ADGRD1: variants seen among roughly 807,000 people sequenced by gnomAD.
The protein encoded by ADGRD1 is adhesion G protein-coupled receptor D1.
ADGRD1 carries 77 observed loss-of-function variants against 113.4 expected under a neutral mutation model. That is an observed-to-expected ratio of 0.68 (90% CI 0.57 to 0.82). ADGRD1 has a LOEUF of 0.82. Among genes scored for constraint, ADGRD1 ranks in the 40% least tolerant of loss-of-function variants. The pLI is 0.00. For synonymous variants in ADGRD1, 474 were observed against 475.0 expected, an observed-to-expected ratio of 1.00 and a Z score of 0.03; for missense variants, 1,036 against 1,139.1, an observed-to-expected ratio of 0.91 and a Z score of 1.30.
In ADGRD1 at chr12:131,131,883, C is replaced by G. The variant is rs1300665671; in HGVS notation, c.2267+67C>G. 3 of 1,037,510 alleles carry G rather than the reference C, an allele frequency of 2.9e-6. No homozygotes were observed. The African/African-American group carries it at 4.7e-5, about 16-fold the overall frequency. 64.3% of individuals were successfully genotyped at this position (1,037,510 alleles called of 1,614,324 possible). ...GCCCCCAGAGGATGCTTTGAGGTCACAGGAGAGATAGCCACTCCTGCCTCC... is the reference window on the plus strand; with the variant it reads ...GCCCCCAGAGGATGCTTTGAGGTCAGAGGAGAGATAGCCACTCCTGCCTCC... On this transcript the variant is annotated intron_variant, in intron 21 of 24. Coordinates refer to ENST00000261654, the MANE Select transcript of ADGRD1 (RefSeq NM_198827.5).
intron 13 of ADGRD1, among the ~76,000 whole-genome samples, chr12:131,043,946 G>A (rs55756434): frequency 0.11 from 16,503 of 152,194 alleles, 1,224 homozygotes; most frequent in Non-Finnish European, 0.16. Context: ...TTATTCTGAG[G>A]AGCAGAGTTG....
Position 131,063,068 on chromosome 12 carries a change from C to G in ADGRD1, c.1474-13733C>G, listed in dbSNP as rs138984110. Among the ~76,000 whole-genome samples, 545 of 152,162 alleles carry G rather than the reference C, an allele frequency of 3.6e-3. 7 individuals are homozygous for G. Among genetic ancestry groups the G allele is most frequent in the African/African-American group, 0.011 (476 of 41,522 alleles). On this transcript the variant is annotated intron_variant, in intron 13 of 24. Coordinates refer to ENST00000261654, the MANE Select transcript of ADGRD1 (RefSeq NM_198827.5). ...TCTCTTAGTATCTTTTGCCCATTTTCTAATTGGATTCTTTTTGTGTTTTAT... is the reference window on the plus strand; with the variant it reads ...TCTCTTAGTATCTTTTGCCCATTTTGTAATTGGATTCTTTTTGTGTTTTAT...
At chr12:131,079,958 G>A (rs1217220992) in intron 14 of ADGRD1, among the ~76,000 whole-genome samples, 1 of 151,962 alleles carries the variant, frequency 6.6e-6, no homozygotes, top group African/African-American at 2.4e-5. Flanking sequence ...TTGTGTTTCT[G>A]TTGTCAATTT....
rs961258624 is a variant in ADGRD1 at position 130,992,251 on chromosome 12, C to T, written c.825C>T (p.Ala275=). Reference sequence around the variant, plus strand: ...ATTTCTTTCAGATGCCCACAGATGCCTACCATCCCATCATAACCAACCTGA... The same window carrying T: ...ATTTCTTTCAGATGCCCACAGATGCTTACCATCCCATCATAACCAACCTGA... The part of the protein sequence containing the change: ...STASPVMPTD[A]YHPIITNLTE... The change falls in exon 8 of 25, where the codon GCC becomes GCT. Residue 275 remains alanine (A), a synonymous_variant. Transcript: ENST00000261654. The T allele has an allele frequency of 1.9e-6, 3 of 1,612,052 alleles. No homozygotes were observed. Among genetic ancestry groups the T allele is most frequent in the African/African-American group, 2.7e-5 (2 of 74,814 alleles).
chr12:131,120,479 G>A (rs1363456525), intron 19 of ADGRD1, among the ~76,000 whole-genome samples: 1 of 152,140 alleles, frequency 6.6e-6, no homozygotes, highest in African/African-American at 2.4e-5. Flanking sequence ...GTGCTGCATC[G>A]CTGACGACTC....
intron 13 of ADGRD1, among the ~76,000 whole-genome samples, chr12:131,039,328 C>T (rs1279955190): frequency 6.6e-6 from 1 of 152,252 alleles, no homozygotes; most frequent in African/African-American, 2.4e-5. Flanking sequence ...AGGACCCTCA[C>T]GGGGTGACCC....
rs534691671 is a variant in ADGRD1, at chr12:131,062,051, G to C, written c.1474-14750G>C. Among the ~76,000 whole-genome samples the C allele has an allele frequency of 3.3e-5, 5 of 152,210 alleles. No individual in the cohort carries two copies. In the South Asian group the frequency reaches 1.0e-3, roughly 32 times the overall value. On this transcript the variant is annotated intron_variant, in intron 13 of 24. Transcript: ENST00000261654. ...TTTTTTGTTTTTTTTTTTTGAGATG[G>C]AGTCTCACTCTGTGGCCCAGGCTGG...
intron 12 of ADGRD1, among the ~76,000 whole-genome samples, chr12:131,009,512 T>A (rs1877602013): frequency 6.6e-6 from 1 of 152,188 alleles, no homozygotes; most frequent in South Asian, 2.1e-4. Flanking sequence ...CTGAGTGTGA[T>A]CATTGTTTGA....
At chr12:131,006,779 G>A (rs996789680) in intron 12 of ADGRD1, among the ~76,000 whole-genome samples, 5 of 152,166 alleles carry the variant, frequency 3.3e-5, no homozygotes, top group Admixed American at 1.3e-4. Context: ...AGGAAACACC[G>A]TCTTCTGCGT....
rs375130861 is a variant in ADGRD1 at position 131,007,257 on chromosome 12, G to C, written c.1331+1210G>C. 6.6e-5 allele frequency among the ~76,000 whole-genome samples: 10 copies of C among 152,372 alleles called. No homozygotes were observed. The East Asian group carries it at 1.5e-3, about 23-fold the overall frequency. On this transcript the variant is annotated intron_variant, in intron 12 of 24. Coordinates refer to ENST00000261654, the MANE Select transcript of ADGRD1 (RefSeq NM_198827.5). The stretch of plus-strand genomic sequence containing the variant: ...CAGCCAGCTCTTTCATGAAGGGCCA[G>C]CTTGTAAATCGGCTTGGCTTTCCAG...
At chr12:131,011,814 A>G (rs969715721) in intron 12 of ADGRD1, among the ~76,000 whole-genome samples, 1 of 152,214 alleles carries the variant, frequency 6.6e-6, no homozygotes, top group African/African-American at 2.4e-5. Context: ...AAAGGCCACG[A>G]GCATCGGGGC....
chr12:131,036,760 G>A (rs1369875710), intron 13 of ADGRD1, among the ~76,000 whole-genome samples: 3 of 144,330 alleles, frequency 2.1e-5, no homozygotes, highest in African/African-American at 7.7e-5. Context: ...ACTGCACCGG[G>A]CCTCACTCAC....
chr12:131,104,965 T>C, intron 16 of ADGRD1, 31 bp downstream of exon 16: 3 of 1,425,332 alleles, frequency 2.1e-6, no homozygotes, highest in Non-Finnish European at 2.9e-6. Context: ...CACCCAACAG[T>C]CTCTCGGCCC....
At chr12:130,973,606 C>T (rs978333557) in intron 4 of ADGRD1, among the ~76,000 whole-genome samples, 1 of 152,214 alleles carries the variant, frequency 6.6e-6, no homozygotes, top group Non-Finnish European at 1.5e-5. Context: ...GACTCTGCAC[C>T]AATCCTTGGT....
chr12:130,998,203 GA>G (rs1875869111), intron 8 of ADGRD1, among the ~76,000 whole-genome samples: 2 of 152,012 alleles, frequency 1.3e-5, no homozygotes, highest in East Asian at 1.9e-4. Flanking sequence ...GAGGGAGGGG[GA>G]GGGGGAGAGG....
chr12:131,084,744 C>A lies in ADGRD1; in HGVS notation c.1671+81C>A. On this transcript the variant is annotated intron_variant, in intron 15 of 24. Coordinates refer to ENST00000261654, the MANE Select transcript of ADGRD1 (RefSeq NM_198827.5). This position sits in a 1 kb window ranked among gnomAD's most constrained non-coding sequence, Gnocchi z 4.5. ...GGTGGGGGCGGGAGGATGCTTTGCC[C>A]GCCAGTGCCCACGGGCCCTGGGCAC... 6.7e-7 allele frequency: 1 copy of A among 1,490,106 alleles called. No individual in the cohort carries two copies. The highest frequency in any genetic ancestry group is 1.2e-5 in the South Asian group (1 of 85,486). The allele number at this position is 1,490,106 out of a possible 1,614,324, so 92.3% of individuals were successfully genotyped here.
At chr12:130,961,739 T>C (rs928502696) in intron 2 of ADGRD1, among the ~76,000 whole-genome samples, 4 of 152,230 alleles carry the variant, frequency 2.6e-5, no homozygotes, top group Admixed American at 2.0e-4. Flanking sequence ...AAAAGGAACC[T>C]GTGGGCTGAA....
intron 13 of ADGRD1, among the ~76,000 whole-genome samples, chr12:131,054,125 A>G (rs1883644210): frequency 6.6e-6 from 1 of 152,162 alleles, no homozygotes; most frequent in Admixed American, 6.5e-5. Context: ...AAACAAAAAC[A>G]CACTTACTGA....
At chr12:130,955,877 C>T (rs927149822) in intron 2 of ADGRD1, among the ~76,000 whole-genome samples, 1 of 152,212 alleles carries the variant, frequency 6.6e-6, no homozygotes, top group Non-Finnish European at 1.5e-5. Context: ...CTACCTCTGC[C>T]TCCCGGGTTC....
Sources: allele counts gnomAD v4.1 joint callset (sites outside exome capture counted in the v4.1 genomes callset), GRCh38; gene constraint gnomAD v4.1.1; non-coding constraint Gnocchi (gnomAD v3.1); transcripts MANE v1.5; gene names NCBI Gene and HGNC (gene_info 2026-07-23, HGNC 2026-07-21).